INPP5D: variants seen among roughly 807,000 people sequenced by gnomAD.
INPP5D encodes phosphatidylinositol 3,4,5-trisphosphate 5-phosphatase 1.
A neutral mutation model predicts 122.9 loss-of-function variants in INPP5D; 33 were observed. The ratio of observed to expected loss-of-function variants is 0.27; its 90% confidence interval spans 0.20 to 0.36. INPP5D has a LOEUF of 0.36. Among genes scored for constraint, INPP5D ranks in the 10% least tolerant of loss-of-function variants. INPP5D has a pLI of 1.00. For synonymous variants in INPP5D, 584 were observed against 576.2 expected, an observed-to-expected ratio of 1.01 and a Z score of -0.19; for missense variants, 1,053 against 1,412.7, an observed-to-expected ratio of 0.75 and a Z score of 4.08.
chr2:233,160,874 A>G lies in INPP5D; in HGVS notation c.1138-850A>G, dbSNP rs28538620. On this transcript the variant is annotated intron_variant, in intron 10 of 26. Coordinates refer to ENST00000445964, the MANE Select transcript of INPP5D (RefSeq NM_001017915.3). The surrounding 1 kb of genome is among the most constrained non-coding windows in gnomAD (Gnocchi z 4.2). ...GGTCTCAAACTCCTGGGATCAAACA[A>G]TCCTTCTGCCTCAGCCTCCCAAAGT... Among the ~76,000 whole-genome samples, 24,350 of 152,108 alleles carry G rather than the reference A, an allele frequency of 0.16. 2,417 individuals carry two copies. Among genetic ancestry groups the G allele is most frequent in the East Asian group, 0.32 (1,673 of 5,166 alleles).
intron 14 of INPP5D, 102 bp from the exon 15 acceptor site, chr2:233,169,924 G>A (rs1694446942): frequency 2.5e-6 from 4 of 1,579,786 alleles, no homozygotes; most frequent in Non-Finnish European, 2.6e-6. Context: ...CCCCCCACCT[G>A]CTATGCTCCT....
rs963696326 is a variant in INPP5D, at chr2:233,204,401, G to A, written c.3251G>A (p.Arg1084His). The change falls in exon 26 of 27, where the codon CGC becomes CAC. Residue 1084 changes from arginine (R) to histidine (H), a missense_variant. By Grantham distance (29) the Arg-to-His change is conservative (BLOSUM62 0). Coordinates refer to ENST00000445964, the MANE Select transcript of INPP5D (RefSeq NM_001017915.3). ...AAGCAGGTGCCCGCGCCCCGGCTGC[G>A]CTCCTTCACGTGCTCATCCTCTGCC... ...PGKQVPAPRLRSFTCSSSAEG... is the reference protein window; with the variant it reads ...PGKQVPAPRLHSFTCSSSAEG... 7.5e-6 allele frequency: 12 copies of A among 1,610,132 alleles called. No homozygotes were observed. The highest frequency in any genetic ancestry group is 1.3e-5 in the African/African-American group (1 of 74,864).
chr2:233,132,014 C>A (rs1361863697), intron 5 of INPP5D, among the ~76,000 whole-genome samples: 1 of 152,186 alleles, frequency 6.6e-6, no homozygotes, highest in Non-Finnish European at 1.5e-5. Context: ...GCCAGTTGGG[C>A]TTAATTTCAA....
intron 5 of INPP5D, among the ~76,000 whole-genome samples, chr2:233,134,539 G>A (rs1434547387): frequency 1.3e-5 from 2 of 152,128 alleles, no homozygotes; most frequent in Non-Finnish European, 2.9e-5. Context: ...CAGAAATGTT[G>A]TGACGATGTC....
Position 233,060,426 on chromosome 2 carries a change from T to C in INPP5D, c.-53T>C. ...GAGGGGCCTCCGCTCCCCTCGGTGG[T>C]GTGTGGGTCCTGGGGGTGCCTGCCG... On this transcript the variant is annotated 5_prime_UTR_variant, in exon 1 of 27. Transcript: ENST00000445964. The C allele has an allele frequency of 1.3e-6, 2 of 1,535,404 alleles. No individual in the cohort carries two copies. Among genetic ancestry groups the C allele is most frequent in the Non-Finnish European group, 1.8e-6 (2 of 1,135,152 alleles).
chr2:233,143,086 A>T (rs1693663642), intron 6 of INPP5D, among the ~76,000 whole-genome samples: 1 of 152,062 alleles, frequency 6.6e-6, no homozygotes, highest in Admixed American at 6.6e-5. Context: ...CACCACTCTG[A>T]CTCTATTCCC....
intron 13 of INPP5D, among the ~76,000 whole-genome samples, chr2:233,166,449 T>G (rs1271778123): frequency 6.6e-6 from 1 of 152,066 alleles, no homozygotes; most frequent in Non-Finnish European, 1.5e-5. Flanking sequence ...GTGTGTGGCG[T>G]GGGCAGAGAG....
At chr2:233,147,295 C>T (rs559017878) in intron 8 of INPP5D, among the ~76,000 whole-genome samples, 176 bp from the exon 9 acceptor site, 9 of 152,318 alleles carry the variant, frequency 5.9e-5, no homozygotes, top group South Asian at 4.1e-4. Flanking sequence ...CTGTGATTCC[C>T]GGGAGACGCC....
intron 23 of INPP5D, 49 bp downstream of exon 23, chr2:233,194,010 G>A (rs777139246): frequency 1.3e-6 from 2 of 1,518,024 alleles, no homozygotes; most frequent in Non-Finnish European, 1.8e-6. Context: ...CCCACTTAGG[G>A]ACGGGAACGT....
intron 5 of INPP5D, among the ~76,000 whole-genome samples, chr2:233,137,088 TAAA>T (rs2106269665): frequency 6.6e-6 from 1 of 152,320 alleles, no homozygotes; most frequent in South Asian, 2.1e-4. Context: ...AAATATGATT[TAAA>T]TCCAAAAAGC....
Position 233,169,794 on chromosome 2 carries a change from C to G in INPP5D, c.1653-232C>G. The G allele has an allele frequency of 5.9e-6, 4 of 675,760 alleles. No homozygotes were observed. In the South Asian group the frequency reaches 7.8e-5, roughly 13 times the overall value. 41.9% of individuals were successfully genotyped at this position (675,760 alleles called of 1,614,324 possible). A position where few individuals can be genotyped will look rare whatever the true frequency, so the allele number is the denominator to read the frequency against. On this transcript the variant is annotated intron_variant, in intron 14 of 26. Coordinates refer to ENST00000445964, the MANE Select transcript of INPP5D (RefSeq NM_001017915.3). ...TCTCTGCTGAGCAGATGCTGCTGCT[C>G]CTGGTCCCCTGCCCTCTGTACACCC...
chr2:233,069,016 A>T (rs1342206388), intron 1 of INPP5D, among the ~76,000 whole-genome samples: 1 of 152,204 alleles, frequency 6.6e-6, no homozygotes, highest in East Asian at 1.9e-4. Flanking sequence ...AGGGTACTGA[A>T]GTCCTGGGGC....
chr2:233,078,850 T>A lies in INPP5D; in HGVS notation c.135-485T>A, dbSNP rs1363575247. On this transcript the variant is annotated intron_variant, in intron 1 of 26. Transcript: ENST00000445964. This position sits in a 1 kb window ranked among gnomAD's most constrained non-coding sequence, Gnocchi z 4.6. ...GGTGTGCGCCACCACGCCCAGCTAA[T>A]TTTTGTATTTTTAGTAGAGATGGGA... Among the ~76,000 whole-genome samples, 1 of 151,956 alleles carries A rather than the reference T, an allele frequency of 6.6e-6. No individual in the cohort carries two copies. The highest frequency in any genetic ancestry group is 1.9e-4 in the East Asian group (1 of 5,178).
rs1694175015 is a variant in INPP5D at position 233,160,621 on chromosome 2, T to C, written c.1138-1103T>C. Among the ~76,000 whole-genome samples, 1 of 152,112 alleles carries C rather than the reference T, an allele frequency of 6.6e-6. No individual in the cohort carries two copies. The highest frequency in any genetic ancestry group is 1.5e-5 in the Non-Finnish European group (1 of 68,016). On this transcript the variant is annotated intron_variant, in intron 10 of 26. Transcript: ENST00000445964. The surrounding 1 kb of genome is among the most constrained non-coding windows in gnomAD (Gnocchi z 4.2). ...TTCTCTTTCTTTCTTCCTTCCCTTC[T>C]TTCTTTCTTTTTCTGTTTCTTTTCT...
rs540641587 is a variant in INPP5D, at chr2:233,160,721, C to A, written c.1138-1003C>A. Among the ~76,000 whole-genome samples, 1 of 152,250 alleles carries A rather than the reference C, an allele frequency of 6.6e-6. No individual in the cohort carries two copies. Among genetic ancestry groups the A allele is most frequent in the Admixed American group, 6.5e-5 (1 of 15,296 alleles). The stretch of plus-strand genomic sequence containing the variant: ...AGATCATGGCTCACTGCAACCTCAA[C>A]TTTCTGGCCTCAAGTAATCCTCCCA... On this transcript the variant is annotated intron_variant, in intron 10 of 26. Coordinates refer to ENST00000445964, the MANE Select transcript of INPP5D (RefSeq NM_001017915.3). This position sits in a 1 kb window ranked among gnomAD's most constrained non-coding sequence, Gnocchi z 4.2.
intron 22 of INPP5D, among the ~76,000 whole-genome samples, chr2:233,191,499 G>A (rs925315297): frequency 1.3e-5 from 2 of 152,168 alleles, no homozygotes; most frequent in Admixed American, 6.5e-5. Flanking sequence ...GCAGTGCCGC[G>A]GGTAAGGGAG....
In INPP5D at chr2:233,206,751, G is replaced by A. The variant is rs11036; in HGVS notation, c.*43G>A. 7.9e-6 allele frequency: 6 copies of A among 757,740 alleles called. No individual in the cohort carries two copies. The highest frequency in any genetic ancestry group is 2.3e-4 in the Middle Eastern group (1 of 4,410). The allele number at this position is 757,740 out of a possible 1,614,324, so 46.9% of individuals were successfully genotyped here. On this transcript the variant is annotated 3_prime_UTR_variant, in exon 27 of 27. Coordinates refer to ENST00000445964, the MANE Select transcript of INPP5D (RefSeq NM_001017915.3). The surrounding 1 kb of genome is among the most constrained non-coding windows in gnomAD (Gnocchi z 4.0). ...CACTGAGTCGGGAGCCCAGAGGAAC[G>A]GCGTGAAGCCACTGGACCCTCTCCC...
intron 1 of INPP5D, among the ~76,000 whole-genome samples, chr2:233,077,859 CA>C (rs10710966): frequency 0.71 from 82,676 of 115,744 alleles, 27,846 homozygotes; most frequent in Non-Finnish European, 0.78. Flanking sequence ...GACTCCGTCT[CA>C]AAAAAAAAAA....
intron 6 of INPP5D, among the ~76,000 whole-genome samples, chr2:233,142,544 G>C (rs1693654704): frequency 6.6e-6 from 1 of 152,136 alleles, no homozygotes. Context: ...ACAAGCTGGG[G>C]ACACCCAAAC....
Sources: allele counts gnomAD v4.1 joint callset (sites outside exome capture counted in the v4.1 genomes callset), GRCh38; gene constraint gnomAD v4.1.1; non-coding constraint Gnocchi (gnomAD v3.1); transcripts MANE v1.5; gene names NCBI Gene and HGNC (gene_info 2026-07-23, HGNC 2026-07-21).